Variants in SUGCT observed in about 807,000 individuals in gnomAD.
SUGCT encodes succinyl-CoA:glutarate CoA-transferase.
SUGCT carries 41 observed loss-of-function variants against 55.0 expected under a neutral mutation model. That is an observed-to-expected ratio of 0.74 (90% CI 0.58 to 0.97). The LOEUF (loss-of-function observed/expected upper bound fraction) is 0.97, where lower values mean the gene tolerates loss of function less well. SUGCT is among the 50% of genes least tolerant of loss of function. The pLI, the probability that SUGCT is intolerant of heterozygous loss-of-function variation, is 0.00. For synonymous variants in SUGCT, 187 were observed against 200.4 expected, an observed-to-expected ratio of 0.93 and a Z score of 0.56; for missense variants, 568 against 547.8, an observed-to-expected ratio of 1.04 and a Z score of -0.37.
At chr7:40,647,627 G>A (rs6954553) in intron 12 of SUGCT, among the ~76,000 whole-genome samples, 1,559 of 152,188 alleles carry the variant, frequency 0.01, 28 homozygotes, top group African/African-American at 0.035. Flanking sequence ...AAGGTGGGTG[G>A]ATCACCTGAG....
intron 13 of SUGCT, among the ~76,000 whole-genome samples, chr7:40,769,594 G>A (rs1788985815): frequency 1.3e-5 from 2 of 152,158 alleles, no homozygotes; most frequent in African/African-American, 4.8e-5. Flanking sequence ...AGAAATGCAG[G>A]CCATCACTAG....
At chr7:40,546,790 A>C (rs999446643) in intron 12 of SUGCT, 4 of 152,144 alleles carry the variant, frequency 2.6e-5, no homozygotes, top group African/African-American at 9.7e-5. Flanking sequence ...GCCCTTTTTC[A>C]CGGATTCCAC....
At chr7:40,187,907 G>A (rs374281250) in intron 3 of SUGCT, among the ~76,000 whole-genome samples, 1 of 152,074 alleles carries the variant, frequency 6.6e-6, no homozygotes, top group East Asian at 1.9e-4. Context: ...GCTCATACCT[G>A]TAATCCCAGC....
the SUGCT span, among the ~76,000 whole-genome samples, chr7:40,894,900 G>T: frequency 6.6e-6 from 1 of 152,140 alleles, no homozygotes; most frequent in African/African-American, 2.4e-5. Context: ...AAAGCAATGT[G>T]TCAACTCCTC....
the SUGCT span, among the ~76,000 whole-genome samples, chr7:40,953,659 T>G: frequency 6.6e-6 from 1 of 152,342 alleles, no homozygotes; most frequent in Non-Finnish European, 1.5e-5. Flanking sequence ...TTTGTTAGTT[T>G]TCCCTCTAAC....
chr7:41,026,882 A>C, the SUGCT span, among the ~76,000 whole-genome samples: 2 of 152,102 alleles, frequency 1.3e-5, no homozygotes, highest in African/African-American at 2.4e-5. Context: ...AAATACAAAA[A>C]TTAACTAAGA....
chr7:40,835,630 A>G (rs1792927227), intron 13 of SUGCT, among the ~76,000 whole-genome samples: 4 of 152,200 alleles, frequency 2.6e-5, no homozygotes, highest in Admixed American at 2.6e-4. Flanking sequence ...AACAATTTGG[A>G]AGAACGTATT....
chr7:40,897,989 C>G, the SUGCT span, among the ~76,000 whole-genome samples: 3 of 152,148 alleles, frequency 2.0e-5, no homozygotes, highest in Admixed American at 2.0e-4. Flanking sequence ...ACAGTGGCCA[C>G]CCGCTCAGGT....
the SUGCT span, among the ~76,000 whole-genome samples, chr7:40,981,414 T>G: frequency 6.6e-6 from 1 of 152,206 alleles, no homozygotes; most frequent in East Asian, 1.9e-4. Flanking sequence ...TCTCTATTCC[T>G]GGCTTCTGTT....
intron 9 of SUGCT, among the ~76,000 whole-genome samples, chr7:40,431,957 A>C (rs933374582): frequency 1.3e-5 from 2 of 152,158 alleles, no homozygotes; most frequent in African/African-American, 2.4e-5. Flanking sequence ...ATATAGGATT[A>C]TGTTATCTGC....
chr7:40,695,199 ATTT>A (rs1328265681), intron 12 of SUGCT, among the ~76,000 whole-genome samples: 1 of 148,626 alleles, frequency 6.7e-6, no homozygotes, highest in Non-Finnish European at 1.5e-5. Flanking sequence ...TTATTTATTT[ATTT>A]ATTTATTTAT....
At chr7:40,865,419 C>T (rs1794561873), downstream of SUGCT, among the ~76,000 whole-genome samples, 1 of 152,126 alleles carries the variant, frequency 6.6e-6, no homozygotes, top group East Asian at 1.9e-4. Context: ...TCCCTTGAAA[C>T]ACAGGGAAAG....
intron 12 of SUGCT, among the ~76,000 whole-genome samples, chr7:40,677,108 T>C (rs1784032382): frequency 6.6e-6 from 1 of 152,170 alleles, no homozygotes; most frequent in Admixed American, 6.6e-5. Flanking sequence ...TTGCACAGCC[T>C]GCATCCCAAC....
At chr7:40,204,581 C>T (rs554586522) in intron 6 of SUGCT, among the ~76,000 whole-genome samples, 13 of 151,814 alleles carry the variant, frequency 8.6e-5, no homozygotes, top group African/African-American at 1.5e-4. Context: ...GGATTACAGG[C>T]GTGAGCCACT....
chr7:40,822,324 A>T (rs1792062320), intron 13 of SUGCT, among the ~76,000 whole-genome samples: 1 of 151,782 alleles, frequency 6.6e-6, no homozygotes, highest in South Asian at 2.1e-4. Context: ...ATCCTTGTTA[A>T]CTTTCTGTCT....
intron 12 of SUGCT, among the ~76,000 whole-genome samples, chr7:40,601,107 A>G (rs1375771650): frequency 6.6e-6 from 1 of 152,174 alleles, no homozygotes; most frequent in African/African-American, 2.4e-5. Flanking sequence ...GTAGGCAAAC[A>G]AAATTTCTTT....
intron 12 of SUGCT, among the ~76,000 whole-genome samples, chr7:40,730,066 A>G (rs1290648850): frequency 6.6e-6 from 1 of 152,138 alleles, no homozygotes; most frequent in African/African-American, 2.4e-5. Flanking sequence ...AAGCAGGGGA[A>G]TGACGTGGTT....
At chr7:40,260,640 C>CTTTTG (rs372937692) in intron 7 of SUGCT, among the ~76,000 whole-genome samples, 53 of 152,040 alleles carry the variant, frequency 3.5e-4, no homozygotes, top group Admixed American at 8.5e-4. Flanking sequence ...GATTAAAAAG[C>CTTTTG]TTTTGTTTTG....
chr7:40,340,725 A>C (rs1301539916), intron 9 of SUGCT, among the ~76,000 whole-genome samples: 1 of 152,248 alleles, frequency 6.6e-6, no homozygotes, highest in Non-Finnish European at 1.5e-5. Flanking sequence ...AAGACACAGC[A>C]CAAAAAGGAC....
Sources: gnomAD v4.1 joint callset for allele counts (sites outside exome capture counted in the v4.1 genomes callset) on GRCh38, gnomAD v4.1.1 for gene constraint, MANE v1.5 for transcripts, NCBI Gene and HGNC (gene_info 2026-07-23, HGNC 2026-07-21) for gene names.